The following ANKS1B variants were observed in gnomAD, a reference collection of about 807,000 sequenced individuals.
ANKS1B encodes the protein ankyrin repeat and sterile alpha motif domain containing 1B, also known as ankyrin repeat and sterile alpha motif domain-containing protein 1B.
Under a neutral mutation model 148.3 loss-of-function variants are expected in ANKS1B, and 36 were observed. That is an observed-to-expected ratio of 0.24 (90% confidence interval 0.19 to 0.32). The LOEUF is 0.32. Among genes scored for constraint, ANKS1B ranks in the 10% least tolerant of loss-of-function variants. The pLI, the probability that ANKS1B is intolerant of heterozygous loss-of-function variation, is 1.00. For synonymous variants in ANKS1B, 542 were observed against 560.8 expected (o/e 0.97, Z 0.47); for missense variants, 1,157 against 1,542.6 (o/e 0.75, Z 4.19).
At chr12:99,705,503 T>G (rs1255107448) in intron 8 of ANKS1B, among the ~76,000 whole-genome samples, 1 of 152,104 alleles carries the variant, frequency 6.6e-6, no homozygotes. Context: ...AAAGCAAAGC[T>G]TATAGTGACA....
At chr12:98,940,021 G>C (rs1178006761) in intron 17 of ANKS1B, among the ~76,000 whole-genome samples, 1 of 152,160 alleles carries the variant, frequency 6.6e-6, no homozygotes, top group Admixed American at 6.5e-5. Context: ...GCACAGGGAG[G>C]GAGTTTTGAC....
At chr12:99,299,209 C>T (rs186557430) in intron 12 of ANKS1B, among the ~76,000 whole-genome samples, 10 of 152,120 alleles carry the variant, frequency 6.6e-5, no homozygotes, top group South Asian at 2.1e-4. Context: ...TACAGGTGTG[C>T]GCTACCATGC....
chr12:99,745,967 A>C (rs2060555175), intron 8 of ANKS1B, among the ~76,000 whole-genome samples: 1 of 152,192 alleles, frequency 6.6e-6, no homozygotes, highest in Admixed American at 6.6e-5. Context: ...CATTAATAGG[A>C]GTTCATGAGC....
chr12:99,097,812 C>T (rs571199883), intron 15 of ANKS1B, among the ~76,000 whole-genome samples: 7 of 152,268 alleles, frequency 4.6e-5, no homozygotes, highest in African/African-American at 9.6e-5. Flanking sequence ...AAGGGCTAGA[C>T]CAGATGTTCC....
intron 5 of ANKS1B, among the ~76,000 whole-genome samples, chr12:99,780,929 A>T (rs1167250290): frequency 6.6e-6 from 1 of 152,198 alleles, no homozygotes; most frequent in Non-Finnish European, 1.5e-5. Flanking sequence ...GAGCAAACTT[A>T]CTGAAGTGTG....
chr12:99,511,420 C>T (rs1482854404), intron 9 of ANKS1B, among the ~76,000 whole-genome samples: 2 of 151,858 alleles, frequency 1.3e-5, no homozygotes, highest in Admixed American at 1.3e-4. Flanking sequence ...AGAGATGACA[C>T]AAACAAATGG....
intron 4 of ANKS1B, among the ~76,000 whole-genome samples, chr12:99,788,118 C>T (rs1397188342): frequency 1.3e-5 from 2 of 152,174 alleles, no homozygotes; most frequent in African/African-American, 2.4e-5. Context: ...ACAAGATTGG[C>T]GCATGACCTA....
chr12:98,795,758 T>G, intron 22 of ANKS1B: 1 of 408,794 alleles, frequency 2.4e-6, no homozygotes, highest in Non-Finnish European at 4.8e-6. Context: ...AGTCTCTGGA[T>G]TCACAGTGTG....
chr12:98,882,495 A>G (rs1043657234), intron 17 of ANKS1B, among the ~76,000 whole-genome samples: 5 of 152,204 alleles, frequency 3.3e-5, no homozygotes, highest in African/African-American at 1.2e-4. Context: ...CTGCTTTGCT[A>G]GAAAAATGAT....
chr12:99,207,477 T>C (rs959759083), intron 14 of ANKS1B, among the ~76,000 whole-genome samples: 3 of 152,152 alleles, frequency 2.0e-5, no homozygotes, highest in Non-Finnish European at 4.4e-5. Context: ...ATCTTGTTTT[T>C]ATATCATATA....
intron 1 of ANKS1B, among the ~76,000 whole-genome samples, chr12:99,946,984 A>G (rs1003041086): frequency 6.6e-6 from 1 of 151,818 alleles, no homozygotes; most frequent in Non-Finnish European, 1.5e-5. Context: ...AGGAAGCACT[A>G]CTGGGGCAGT....
chr12:99,687,117 T>G (rs1304759536), intron 8 of ANKS1B, among the ~76,000 whole-genome samples: 1 of 152,204 alleles, frequency 6.6e-6, no homozygotes. Context: ...AAATTATAAC[T>G]TGATAGTTTT....
At chr12:98,778,202 C>T (rs952270103) in intron 24 of ANKS1B, among the ~76,000 whole-genome samples, 1 of 152,140 alleles carries the variant, frequency 6.6e-6, no homozygotes, top group African/African-American at 2.4e-5. Flanking sequence ...GTAGGCTGGG[C>T]GTGGTGGCTC....
intron 9 of ANKS1B, among the ~76,000 whole-genome samples, chr12:99,610,193 A>G (rs1290717321): frequency 6.6e-6 from 1 of 152,168 alleles, no homozygotes; most frequent in Non-Finnish European, 1.5e-5. Context: ...CAGACCCAAG[A>G]GGAAAACTGT....
chr12:99,274,744 T>C (rs1271437119), intron 12 of ANKS1B, among the ~76,000 whole-genome samples: 1 of 152,230 alleles, frequency 6.6e-6, no homozygotes, highest in Admixed American at 6.5e-5. Context: ...TATTAAAATT[T>C]GTTCTAGTCC....
intron 17 of ANKS1B, among the ~76,000 whole-genome samples, chr12:98,834,371 C>A (rs760048053): frequency 6.6e-6 from 1 of 152,110 alleles, no homozygotes; most frequent in East Asian, 1.9e-4. Flanking sequence ...GCTTTTAATA[C>A]CCGTTTAAAA....
At chr12:99,242,525 C>T (rs764781173) in intron 14 of ANKS1B, among the ~76,000 whole-genome samples, 2 of 152,112 alleles carry the variant, frequency 1.3e-5, no homozygotes, top group Non-Finnish European at 2.9e-5. Context: ...ACTTTCTTCA[C>T]AGAATTGGAA....
Position 99,746,549 on chromosome 12 carries a change from A to G in ANKS1B, c.1128+26373T>C, listed in dbSNP as rs114882949. On this transcript the variant is annotated intron_variant, in intron 8 of 26. Coordinates refer to ENST00000683438, the MANE Select transcript of ANKS1B (RefSeq NM_001352186.2). Reference sequence around the variant, plus strand: ...TACCTCTTCATTCCCTTGCTTCTATACAATCATTGTAATGACATAAGTACA... The same window carrying G: ...TACCTCTTCATTCCCTTGCTTCTATGCAATCATTGTAATGACATAAGTACA... Among the ~76,000 whole-genome samples, 1,387 of 152,254 alleles carry G rather than the reference A, an allele frequency of 9.1e-3. 25 individuals carry two copies. The highest frequency in any genetic ancestry group is 0.031 in the African/African-American group (1,305 of 41,556).
intron 17 of ANKS1B, among the ~76,000 whole-genome samples, chr12:98,991,254 A>G (rs1245341667): frequency 6.6e-6 from 1 of 152,216 alleles, no homozygotes; most frequent in Non-Finnish European, 1.5e-5. Flanking sequence ...TACCATGAAG[A>G]TAACTAAAGC....
Sources: gnomAD v4.1 joint callset for allele counts (sites outside exome capture counted in the v4.1 genomes callset) on GRCh38, gnomAD v4.1.1 for gene constraint, MANE v1.5 for transcripts, NCBI Gene and HGNC (gene_info 2026-07-23, HGNC 2026-07-21) for gene names.